LRRC74A: variants seen among roughly 807,000 people sequenced by gnomAD.
LRRC74A encodes leucine-rich repeat-containing protein 74A.
LRRC74A carries 44 observed loss-of-function variants against 57.9 expected under a neutral mutation model. The ratio of observed to expected loss-of-function variants is 0.76; its 90% CI spans 0.60 to 0.98. The LOEUF (loss-of-function observed/expected upper bound fraction) is 0.98. Among genes scored for constraint, LRRC74A ranks in the 50% least tolerant of loss-of-function variants. The pLI is 0.00. For synonymous variants in LRRC74A, 211 were observed against 219.4 expected (o/e 0.96, Z 0.34); for missense variants, 572 against 574.0 (o/e 1.00, Z 0.04).
Position 76,870,131 on chromosome 14 carries a change from G to A in LRRC74A, c.1398G>A (p.Leu466=), listed in dbSNP as rs1335376254. 6.2e-7 allele frequency: 1 copy of A among 1,611,588 alleles called. No homozygotes were observed. The highest frequency in any genetic ancestry group is 8.5e-7 in the Non-Finnish European group (1 of 1,178,870). ...CCCTTACCTTTCGTACCAGTTTCTT[G>A]AACACGATGAAGCCATAGCAACAAG... The part of the protein sequence containing the change: ...EKTGMVNFSF[L]NTMKP Residue 466 remains leucine, a synonymous_variant, in exon 14 of 14, where the codon TTG becomes TTA. Transcript: ENST00000689127.
intron 7 of LRRC74A, among the ~76,000 whole-genome samples, chr14:76,849,988 C>T (rs1029314467): frequency 2.0e-5 from 3 of 151,996 alleles, no homozygotes; most frequent in Non-Finnish European, 4.4e-5. Context: ...GCGGGCGGAT[C>T]ACAAGGTCAG....
At chr14:76,830,330 T>C (rs949643635) in intron 2 of LRRC74A, among the ~76,000 whole-genome samples, 10 of 152,188 alleles carry the variant, frequency 6.6e-5, no homozygotes, top group Non-Finnish European at 1.2e-4. Context: ...AGCCCTGCCA[T>C]AGGCTGGACT....
chr14:76,829,152 C>T, intron 2 of LRRC74A: 1 of 1,289,434 alleles, frequency 7.8e-7, no homozygotes, highest in Non-Finnish European at 1.0e-6. Flanking sequence ...GACGCTGGTT[C>T]CATCTGACAG....
intron 3 of LRRC74A, among the ~76,000 whole-genome samples, chr14:76,832,354 C>G (rs1896030811): frequency 6.6e-6 from 1 of 152,232 alleles, no homozygotes; most frequent in African/African-American, 2.4e-5. Context: ...GTTGTCCAGT[C>G]TGGAATGCAG....
chr14:76,862,576 T>C (rs1048889963), intron 11 of LRRC74A, among the ~76,000 whole-genome samples: 2 of 149,550 alleles, frequency 1.3e-5, no homozygotes, highest in African/African-American at 4.9e-5. Flanking sequence ...AATAAATAAG[T>C]GACAGAGGCA....
intron 7 of LRRC74A, among the ~76,000 whole-genome samples, chr14:76,849,322 A>AT (rs1223368182): frequency 1.3e-5 from 2 of 151,630 alleles, no homozygotes; most frequent in Admixed American, 6.6e-5. Context: ...CACCCAGCTA[A>AT]TTTTTTGTAT....
At chr14:76,854,302 T>C (rs1897729954) in intron 9 of LRRC74A, among the ~76,000 whole-genome samples, 2 of 152,202 alleles carry the variant, frequency 1.3e-5, no homozygotes, top group Admixed American at 6.5e-5. Flanking sequence ...TGTGAAAGCT[T>C]CATCAGAATG....
rs188793636 is a variant in LRRC74A, at chr14:76,853,356, G to A, written c.903G>A (p.Gly301=). ...DIGGNDIGNE[G]ASKISKGLES... ...GTGGCAATGACATCGGCAATGAAGG[G>A]GCCTCCAAAATCAGCAAAGGACTGG... is the stretch of plus-strand genomic sequence containing the variant. Residue 301 remains glycine, a synonymous_variant, in exon 9 of 14, where the codon GGG becomes GGA. Transcript: ENST00000689127. The A allele has an allele frequency of 1.2e-6, 2 of 1,612,984 alleles. No homozygotes were observed. The highest frequency in any genetic ancestry group is 1.7e-5 in the Admixed American group (1 of 59,798).
intron 10 of LRRC74A, 111 bp from the exon 11 acceptor site, chr14:76,860,582 A>C: frequency 1.4e-5 from 15 of 1,097,418 alleles, no homozygotes; most frequent in Non-Finnish European, 1.9e-5. Flanking sequence ...ACAAACTGGA[A>C]GAGACAAAAC....
At chr14:76,837,435 A>C (rs1234808062) in intron 4 of LRRC74A, among the ~76,000 whole-genome samples, 5 of 152,226 alleles carry the variant, frequency 3.3e-5, no homozygotes, top group Middle Eastern at 3.2e-3. Flanking sequence ...CCACTAGCTT[A>C]AAAGGACAAT....
intron 13 of LRRC74A, among the ~76,000 whole-genome samples, chr14:76,868,647 C>A (rs1899151913): frequency 6.6e-6 from 1 of 152,230 alleles, no homozygotes; most frequent in Non-Finnish European, 1.5e-5. Context: ...GAGCTCCCAT[C>A]TGTCTTGGTG....
intron 2 of LRRC74A, among the ~76,000 whole-genome samples, chr14:76,829,844 G>T (rs1895848348): frequency 6.6e-6 from 1 of 152,170 alleles, no homozygotes; most frequent in South Asian, 2.1e-4. Context: ...TGGGAAATGG[G>T]CCAGCTGGGA....
chr14:76,833,442 T>A (rs1012724885), intron 3 of LRRC74A, among the ~76,000 whole-genome samples: 129 of 140,510 alleles, frequency 9.2e-4, no homozygotes, highest in African/African-American at 3.3e-3. Context: ...ATCACTTTTT[T>A]TTTTTTTTTT....
intron 2 of LRRC74A, 26 bp downstream of exon 2, chr14:76,828,445 C>G (rs1273519872): frequency 6.2e-7 from 1 of 1,613,550 alleles, no homozygotes; most frequent in East Asian, 2.2e-5. Context: ...TGGGGGCAGT[C>G]AGGGCAGCTT....
At chr14:76,867,799 C>T (rs28422002) in intron 13 of LRRC74A, among the ~76,000 whole-genome samples, 4,653 of 152,174 alleles carry the variant, frequency 0.031, 243 homozygotes, top group African/African-American at 0.11. Flanking sequence ...CCTTGCAGCC[C>T]AAAGAGGAAG....
At chr14:76,864,336 C>T (rs1036729360) in intron 11 of LRRC74A, among the ~76,000 whole-genome samples, 55 of 147,418 alleles carry the variant, frequency 3.7e-4, no homozygotes, top group African/African-American at 1.1e-3. Flanking sequence ...GGAAATGCTT[C>T]GTGAGAAGGA....
At chr14:76,848,202 C>G (rs1897231277) in intron 7 of LRRC74A, among the ~76,000 whole-genome samples, 1 of 151,842 alleles carries the variant, frequency 6.6e-6, no homozygotes, top group South Asian at 2.1e-4. Flanking sequence ...ATGGGTGCAG[C>G]ACACCAACAT....
At chr14:76,864,299 A>C (rs1898569769) in intron 11 of LRRC74A, among the ~76,000 whole-genome samples, 1 of 151,606 alleles carries the variant, frequency 6.6e-6, no homozygotes. Flanking sequence ...GGGAACAAAG[A>C]GCAAGGGCCC....
At chr14:76,846,696 T>C (rs1489537196) in intron 7 of LRRC74A, among the ~76,000 whole-genome samples, 1 of 152,094 alleles carries the variant, frequency 6.6e-6, no homozygotes, top group African/African-American at 2.4e-5. Context: ...AGAGATAGAC[T>C]CATGGTCATT....
Sources: gnomAD v4.1 joint callset for allele counts (sites outside exome capture counted in the v4.1 genomes callset) on GRCh38, gnomAD v4.1.1 for gene constraint, MANE v1.5 for transcripts, NCBI Gene and HGNC (gene_info 2026-07-23, HGNC 2026-07-21) for gene names.